The following ENPEP variants were observed in gnomAD, a reference collection of about 807,000 sequenced individuals.
ENPEP encodes glutamyl aminopeptidase.
A neutral mutation model predicts 114.5 loss-of-function variants in ENPEP; 103 were observed. That is an observed-to-expected ratio of 0.90 (90% confidence interval 0.77 to 1.06). ENPEP has a LOEUF of 1.06. ENPEP is among the 50% of genes least tolerant of loss of function. The pLI is 0.00. For missense variants in ENPEP, 1,196 were observed against 1,161.3 expected (o/e 1.03, Z -0.43); for synonymous variants, 420 against 422.0 (o/e 1.00, Z 0.06).
At chr4:110,490,124 C>T (rs916981850) in intron 2 of ENPEP, among the ~76,000 whole-genome samples, 7 of 152,102 alleles carry the variant, frequency 4.6e-5, no homozygotes, top group African/African-American at 9.7e-5. Context: ...TCCCTTATGG[C>T]CTTTTCACTG....
At chr4:110,499,055 G>T (rs763641710) in intron 3 of ENPEP, among the ~76,000 whole-genome samples, 1 of 152,106 alleles carries the variant, frequency 6.6e-6, no homozygotes, top group Non-Finnish European at 1.5e-5. Context: ...GGCATCAAGA[G>T]CCTATTTTGA....
chr4:110,527,978 C>G (rs1290416766), intron 10 of ENPEP, among the ~76,000 whole-genome samples: 1 of 152,032 alleles, frequency 6.6e-6, no homozygotes, highest in Non-Finnish European at 1.5e-5. Context: ...AATTTTACTG[C>G]CAAGTGAACT....
chr4:110,509,412 A>G (rs1432088585), intron 4 of ENPEP, among the ~76,000 whole-genome samples: 1 of 152,236 alleles, frequency 6.6e-6, no homozygotes, highest in Non-Finnish European at 1.5e-5. Context: ...AGGCATTGCC[A>G]TTAGTGTCCT....
chr4:110,534,504 CTTT>C (rs71595561), intron 11 of ENPEP, among the ~76,000 whole-genome samples: 4 of 52,276 alleles, frequency 7.7e-5, no homozygotes, highest in Non-Finnish European at 1.4e-4. Context: ...TTCGTTGTTT[CTTT>C]TTTTTTTTTT....
intron 11 of ENPEP, chr4:110,532,956 A>G (rs1726462673): frequency 3.9e-6 from 1 of 254,566 alleles, no homozygotes. Context: ...GACAGAAAAA[A>G]AAAAGACATT....
intron 18 of ENPEP, among the ~76,000 whole-genome samples, chr4:110,558,287 T>G (rs1578422646): frequency 1.5e-5 from 2 of 131,994 alleles, no homozygotes; most frequent in South Asian, 5.0e-4. Flanking sequence ...TATATATATA[T>G]ATATATAAAT....
At chr4:110,552,785 T>C (rs1727338384) in intron 17 of ENPEP, among the ~76,000 whole-genome samples, 1 of 152,150 alleles carries the variant, frequency 6.6e-6, no homozygotes, top group Non-Finnish European at 1.5e-5. Flanking sequence ...TTATTTGTAT[T>C]CTTAATTATT....
At position 110,561,744 on chromosome 4, in the gene ENPEP, T is replaced by A. The variant is rs1288327064; in HGVS notation, c.*186T>A. ...CTTTGTTTATGAAGAAAGATACTAA[T>A]AGAGTACTTAATATACTCAGGGATT... On this transcript the variant is annotated 3_prime_UTR_variant, in exon 20 of 20. Coordinates refer to ENST00000265162, the MANE Select transcript of ENPEP (RefSeq NM_001977.4). 3.6e-6 allele frequency: 2 copies of A among 552,440 alleles called. No homozygotes were observed. The highest frequency in any genetic ancestry group is 6.3e-6 in the Non-Finnish European group (2 of 319,310). The allele number at this position is 552,440 out of a possible 1,614,324, so 34.2% of individuals were successfully genotyped here.
At position 110,527,025 on chromosome 4, in the gene ENPEP, C is replaced by T. The variant is rs563331245; in HGVS notation, c.1728-4173C>T. ...CAGAAGAGAAAGATCTTTATAGTCT[C>T]ATTTCATGATGGGTACTCTATAAGG... is the stretch of plus-strand genomic sequence containing the variant. On this transcript the variant is annotated intron_variant, in intron 10 of 19. Coordinates refer to ENST00000265162, the MANE Select transcript of ENPEP (RefSeq NM_001977.4). Among the ~76,000 whole-genome samples, 4 of 152,226 alleles carry T rather than the reference C, an allele frequency of 2.6e-5. No individual in the cohort carries two copies. The South Asian group carries it at 8.3e-4, about 32-fold the overall frequency.
In ENPEP at chr4:110,564,098, TC is replaced by T. The variant is rs1251138162; in HGVS notation, c.*2542del. 1.3e-5 allele frequency: 2 copies of T among 151,814 alleles called. No individual in the cohort carries two copies. The highest frequency in any genetic ancestry group is 2.9e-5 in the Non-Finnish European group (2 of 67,980). The allele number at this position is 151,814 out of a possible 1,614,324, so 9.4% of individuals were successfully genotyped here. The stretch of plus-strand genomic sequence containing the variant: ...TTAGGTAATCATCATCATCAGACTT[TC>T]CTTTTTTTTTCAAGCATTTTTATAA... On this transcript the variant is annotated 3_prime_UTR_variant, in exon 20 of 20. Transcript: ENST00000265162.
chr4:110,538,870 AAGAG>A (rs897484349), intron 11 of ENPEP, among the ~76,000 whole-genome samples: 15 of 150,340 alleles, frequency 1.0e-4, no homozygotes, highest in East Asian at 3.9e-4. Context: ...AGGAGAGAGA[AAGAG>A]AGAGAGAGAG....
At chr4:110,524,494 T>C (rs1017894908) in intron 10 of ENPEP, among the ~76,000 whole-genome samples, 1 of 152,184 alleles carries the variant, frequency 6.6e-6, no homozygotes, top group Non-Finnish European at 1.5e-5. Flanking sequence ...ACCGAATTCA[T>C]TTACAATTTC....
rs531505069 is a variant in ENPEP at position 110,555,133 on chromosome 4, C to T, written c.2642+1678C>T. Among the ~76,000 whole-genome samples, 9 of 152,068 alleles carry T rather than the reference C, an allele frequency of 5.9e-5. No individual in the cohort carries two copies. In the South Asian group the frequency reaches 1.5e-3, roughly 25 times the overall value. ...AAGATAAACTATTTCCAGAAGTACT[C>T]CAAAACTCTTGCCCAAGGCTTTAGC... On this transcript the variant is annotated intron_variant, in intron 18 of 19. Transcript: ENST00000265162.
intron 13 of ENPEP, among the ~76,000 whole-genome samples, chr4:110,545,344 A>G (rs1727015319): frequency 6.6e-6 from 1 of 152,074 alleles, no homozygotes; most frequent in South Asian, 2.1e-4. Flanking sequence ...TTTTCAAGGT[A>G]AGAAATTTAC....
chr4:110,519,223 A>G, intron 8 of ENPEP: 1 of 404,312 alleles, frequency 2.5e-6, no homozygotes, highest in South Asian at 1.8e-5. Flanking sequence ...GGAATTTAGG[A>G]GGTAACGTGA....
chr4:110,527,660 A>G (rs945159974), intron 10 of ENPEP, among the ~76,000 whole-genome samples: 2 of 152,172 alleles, frequency 1.3e-5, no homozygotes, highest in Admixed American at 6.5e-5. Context: ...TAACAACTAT[A>G]AAGTGTTTCT....
At chr4:110,549,225 G>A (rs945743204) in intron 14 of ENPEP, 121 bp from the exon 15 acceptor site, 3 of 793,596 alleles carry the variant, frequency 3.8e-6, no homozygotes, top group Admixed American at 2.6e-5. Flanking sequence ...CTAAGGACAA[G>A]CGCAAAGTTC....
intron 1 of ENPEP, among the ~76,000 whole-genome samples, chr4:110,480,329 T>G (rs1724262070): frequency 6.6e-6 from 1 of 152,202 alleles, no homozygotes; most frequent in Non-Finnish European, 1.5e-5. Context: ...ATGCTTTTTT[T>G]TCTAGCCTGT....
Position 110,525,435 on chromosome 4 carries a change from C to G in ENPEP, c.1727+5069C>G, listed in dbSNP as rs965873550. Among the ~76,000 whole-genome samples the G allele has an allele frequency of 1.2e-4, 18 of 151,920 alleles. 1 individual carries two copies. The highest frequency in any genetic ancestry group is 2.1e-4 in the Non-Finnish European group (14 of 68,022). On this transcript the variant is annotated intron_variant, in intron 10 of 19. Transcript: ENST00000265162. Reference sequence around the variant, plus strand: ...CACCCATGCCCAGTTTTTATTGCCCCCTCTTTCAACATTTGAATGCTTTGC... The same window carrying G: ...CACCCATGCCCAGTTTTTATTGCCCGCTCTTTCAACATTTGAATGCTTTGC...
Sources: gnomAD v4.1 joint callset for allele counts (sites outside exome capture counted in the v4.1 genomes callset) on GRCh38, gnomAD v4.1.1 for gene constraint, MANE v1.5 for transcripts, NCBI Gene and HGNC (gene_info 2026-07-23, HGNC 2026-07-21) for gene names.